Variants in GPM6A observed in about 807,000 individuals in gnomAD.
GPM6A encodes glycoprotein M6A, also known as neuronal membrane glycoprotein M6-a.
In GPM6A, 7 loss-of-function variants were observed where a neutral mutation model predicts 32.1. The ratio of observed to expected loss-of-function variants is 0.22; its 90% CI spans 0.12 to 0.41. The LOEUF is 0.41. Among genes scored for constraint, GPM6A ranks in the 10% least tolerant of loss-of-function variants. The pLI is 1.00. For synonymous variants in GPM6A, 130 were observed against 123.4 expected, an observed-to-expected ratio of 1.05 and a Z score of -0.35; for missense variants, 235 against 347.2, an observed-to-expected ratio of 0.68 and a Z score of 2.57.
At chr4:175,917,848 C>A (rs537260499) in intron 1 of GPM6A, among the ~76,000 whole-genome samples, 1 of 7,922 alleles carries the variant, frequency 1.3e-4, no homozygotes, top group Admixed American at 3.4e-3. Context: ...TGTTAAGTAG[C>A]CTTATAAGTC....
chr4:175,919,868 GC>G (rs950314309), intron 1 of GPM6A, among the ~76,000 whole-genome samples: 3 of 152,134 alleles, frequency 2.0e-5, no homozygotes, highest in African/African-American at 7.2e-5. Flanking sequence ...TAGCTATGTA[GC>G]CCCCCAAATT....
intron 1 of GPM6A, among the ~76,000 whole-genome samples, chr4:175,743,408 C>CT (rs1731969881): frequency 6.6e-6 from 1 of 151,752 alleles, no homozygotes; most frequent in African/African-American, 2.4e-5. Flanking sequence ...GGAATTAATA[C>CT]TAACAAACTA....
At chr4:175,737,680 G>A (rs1731717867) in intron 1 of GPM6A, among the ~76,000 whole-genome samples, 2 of 152,150 alleles carry the variant, frequency 1.3e-5, no homozygotes, top group African/African-American at 4.8e-5. Context: ...TCAGAACAAA[G>A]CATGGTACAA....
At chr4:175,875,337 C>A (rs1479211463) in intron 1 of GPM6A, among the ~76,000 whole-genome samples, 4 of 152,148 alleles carry the variant, frequency 2.6e-5, no homozygotes, top group Admixed American at 6.5e-5. Flanking sequence ...TTAAATTAGT[C>A]ACGAGTGATT....
intron 1 of GPM6A, among the ~76,000 whole-genome samples, chr4:175,940,392 G>A (rs1739368769): frequency 6.6e-6 from 1 of 152,004 alleles, no homozygotes; most frequent in African/African-American, 2.4e-5. Context: ...TACTTAGGCA[G>A]AAAGATAGTA....
intron 1 of GPM6A, chr4:175,788,059 T>A (rs1733868336): frequency 1.3e-5 from 2 of 152,258 alleles, no homozygotes; most frequent in African/African-American, 4.8e-5. Flanking sequence ...CAGATTTGAT[T>A]TTGCTAGCAC....
At chr4:175,911,440 C>T (rs555465653) in intron 1 of GPM6A, among the ~76,000 whole-genome samples, 3 of 152,236 alleles carry the variant, frequency 2.0e-5, no homozygotes, top group East Asian at 3.9e-4. Context: ...TAGCTATTAT[C>T]CCCTGCTTTT....
intron 1 of GPM6A, among the ~76,000 whole-genome samples, chr4:175,791,017 AG>A (rs1733992105): frequency 6.6e-6 from 1 of 152,182 alleles, no homozygotes; most frequent in African/African-American, 2.4e-5. Context: ...AAAGAAAAAA[AG>A]AAATAATAAA....
intron 1 of GPM6A, among the ~76,000 whole-genome samples, chr4:175,775,834 C>T (rs942893417): frequency 2.0e-5 from 3 of 152,080 alleles, no homozygotes; most frequent in Non-Finnish European, 4.4e-5. Context: ...TCTCTACCAC[C>T]TTGAATCAAC....
intron 2 of GPM6A, among the ~76,000 whole-genome samples, chr4:175,682,094 A>C (rs73020126): frequency 8.0e-4 from 121 of 152,148 alleles, no homozygotes; most frequent in African/African-American, 2.5e-3. Context: ...CTCAGATGAA[A>C]ATGAGAAACT....
At chr4:175,992,955 A>C (rs915436522) in intron 1 of GPM6A, among the ~76,000 whole-genome samples, 1 of 152,214 alleles carries the variant, frequency 6.6e-6, no homozygotes, top group Admixed American at 6.5e-5. Context: ...AATGTATATC[A>C]TTAGATCATT....
chr4:175,788,817 A>G lies in GPM6A; in HGVS notation c.37+23374T>C, dbSNP rs531712885. Among the ~76,000 whole-genome samples the G allele has an allele frequency of 7.2e-5, 11 of 152,326 alleles. No homozygotes were observed. In the South Asian group the frequency reaches 2.3e-3, roughly 32 times the overall value. ...ATGAACAAATCAGACATATAAATAG[A>G]ATGAAGACATTAATAAGGCTATCTA... is the stretch of plus-strand genomic sequence containing the variant. On this transcript the variant is annotated intron_variant, in intron 1 of 6. Transcript: ENST00000393658.
intron 4 of GPM6A, among the ~76,000 whole-genome samples, chr4:175,649,490 G>A (rs770336810): frequency 6.6e-6 from 1 of 152,078 alleles, no homozygotes; most frequent in Non-Finnish European, 1.5e-5. Context: ...GTCTCCCAAT[G>A]TTTTTTCAGT....
At chr4:175,747,914 TGC>T (rs762252267) in intron 1 of GPM6A, among the ~76,000 whole-genome samples, 19 of 152,218 alleles carry the variant, frequency 1.2e-4, no homozygotes, top group Admixed American at 5.9e-4. Flanking sequence ...CAAACCCTGC[TGC>T]TACTTTATCA....
At chr4:175,738,692 G>C (rs1280006849) in intron 1 of GPM6A, among the ~76,000 whole-genome samples, 1 of 152,150 alleles carries the variant, frequency 6.6e-6, no homozygotes, top group East Asian at 1.9e-4. Flanking sequence ...TCTAAGCTTT[G>C]ATAAACAAAA....
At chr4:175,695,074 G>A in intron 2 of GPM6A, among the ~76,000 whole-genome samples, 1 of 152,026 alleles carries the variant, frequency 6.6e-6, no homozygotes, top group African/African-American at 2.4e-5. Context: ...GGGGAGCAGA[G>A]GGCAAGAGTT....
chr4:175,991,169 G>A (rs945270585), intron 1 of GPM6A, among the ~76,000 whole-genome samples: 17 of 148,972 alleles, frequency 1.1e-4, no homozygotes, highest in African/African-American at 3.7e-4. Flanking sequence ...GGGTTCAAAC[G>A]ATTCTCCTGC....
intron 1 of GPM6A, among the ~76,000 whole-genome samples, chr4:175,940,671 C>G (rs756181832): frequency 6.6e-6 from 1 of 151,980 alleles, no homozygotes; most frequent in South Asian, 2.1e-4. Flanking sequence ...TGCAGTGGTG[C>G]GATCTCGGCT....
chr4:175,728,672 C>T (rs527696570), intron 1 of GPM6A, among the ~76,000 whole-genome samples: 1 of 152,334 alleles, frequency 6.6e-6, no homozygotes, highest in Admixed American at 6.5e-5. Context: ...ACTCTCAGAT[C>T]ACCTTCAGTT....
Sources: gnomAD v4.1 joint callset for allele counts (sites outside exome capture counted in the v4.1 genomes callset) on GRCh38, gnomAD v4.1.1 for gene constraint, MANE v1.5 for transcripts, NCBI Gene and HGNC (gene_info 2026-07-23, HGNC 2026-07-21) for gene names.